STARD13: variants seen among roughly 807,000 people sequenced by gnomAD.
STARD13 encodes StAR related lipid transfer domain containing 13.
In STARD13, 62 loss-of-function variants were observed where a neutral mutation model predicts 106.4. That is an observed-to-expected ratio of 0.58 (90% CI 0.48 to 0.72). The LOEUF (loss-of-function observed/expected upper bound fraction) is 0.72, where lower values mean the gene tolerates loss of function less well. Ranked by LOEUF, STARD13 falls within the 30% of genes least tolerant of loss-of-function variation. STARD13 has a pLI of 0.00. For missense variants in STARD13, 1,387 were observed against 1,424.0 expected (o/e 0.97, Z 0.42); for synonymous variants, 565 against 553.0 (o/e 1.02, Z -0.31).
the STARD13 span, among the ~76,000 whole-genome samples, chr13:33,652,216 G>T: frequency 6.6e-6 from 1 of 152,158 alleles, no homozygotes; most frequent in Non-Finnish European, 1.5e-5. Flanking sequence ...GGGAATTTTT[G>T]GTTATGACAT....
the STARD13 span, among the ~76,000 whole-genome samples, chr13:33,386,515 C>T: frequency 6.6e-6 from 1 of 152,094 alleles, no homozygotes; most frequent in Non-Finnish European, 1.5e-5. Flanking sequence ...GTGTGGTGGC[C>T]TCCCCCATCC....
the STARD13 span, among the ~76,000 whole-genome samples, chr13:33,400,500 C>G: frequency 6.7e-6 from 1 of 150,224 alleles, no homozygotes; most frequent in South Asian, 2.1e-4. Context: ...CTTGCTCTGT[C>G]CTCCAGGCTG....
At chr13:33,135,240 A>G (rs1171619645) in intron 4 of STARD13, among the ~76,000 whole-genome samples, 1 of 152,234 alleles carries the variant, frequency 6.6e-6, no homozygotes, top group African/African-American at 2.4e-5. Context: ...CCAGTCCCCA[A>G]ACTTGCTCTT....
chr13:33,238,135 T>G (rs1334236701), intron 1 of STARD13, among the ~76,000 whole-genome samples: 1 of 152,190 alleles, frequency 6.6e-6, no homozygotes, highest in Non-Finnish European at 1.5e-5. Context: ...GCACTTACCT[T>G]TCTTTTACTT....
At chr13:33,396,707 G>C in the STARD13 span, among the ~76,000 whole-genome samples, 1 of 152,052 alleles carries the variant, frequency 6.6e-6, no homozygotes, top group African/African-American at 2.4e-5. Context: ...ACCATGTTGG[G>C]GTAGAATTGG....
upstream of STARD13, among the ~76,000 whole-genome samples, chr13:33,287,686 T>C (rs536697368): frequency 6.0e-4 from 92 of 152,278 alleles, no homozygotes; most frequent in South Asian, 2.5e-3. Context: ...CCGGTGGCCG[T>C]CCAATTAAGG....
At chr13:33,315,421 T>A (rs1376235900) in intron 1 of STARD13, among the ~76,000 whole-genome samples, 2 of 152,188 alleles carry the variant, frequency 1.3e-5, no homozygotes, top group African/African-American at 4.8e-5. Context: ...TATTTGCATA[T>A]ACCAGACCTT....
chr13:33,339,411 C>T (rs2077934595), intron 1 of STARD13, among the ~76,000 whole-genome samples: 1 of 152,224 alleles, frequency 6.6e-6, no homozygotes, highest in Admixed American at 6.5e-5. Context: ...ACAATCTATG[C>T]TTCTAGCACT....
the STARD13 span, among the ~76,000 whole-genome samples, chr13:33,622,650 G>C: frequency 1.4e-5 from 2 of 147,468 alleles, no homozygotes; most frequent in African/African-American, 5.0e-5. Flanking sequence ...GGCTGGGCGT[G>C]GTGGCTCAAG....
At chr13:33,498,658 A>T in the STARD13 span, among the ~76,000 whole-genome samples, 1 of 152,246 alleles carries the variant, frequency 6.6e-6, no homozygotes, top group East Asian at 1.9e-4. Context: ...TTCTTGTATT[A>T]AATAAAAAAT....
At chr13:33,404,671 G>A in the STARD13 span, among the ~76,000 whole-genome samples, 2 of 151,968 alleles carry the variant, frequency 1.3e-5, no homozygotes, top group East Asian at 1.9e-4. Context: ...AAATGACAAG[G>A]AACATGTTAA....
chr13:33,250,332 G>C (rs960028849), intron 1 of STARD13, among the ~76,000 whole-genome samples: 1 of 152,200 alleles, frequency 6.6e-6, no homozygotes, highest in Non-Finnish European at 1.5e-5. Flanking sequence ...CATTAGCGCA[G>C]AGGAATGAAT....
the STARD13 span, among the ~76,000 whole-genome samples, chr13:33,637,203 C>T: frequency 1.3e-5 from 2 of 152,222 alleles, no homozygotes; most frequent in Admixed American, 6.5e-5. Flanking sequence ...CAAGGTCTTA[C>T]GACTAGTAAG....
At chr13:33,238,171 T>C (rs1477193694) in intron 1 of STARD13, among the ~76,000 whole-genome samples, 1 of 152,190 alleles carries the variant, frequency 6.6e-6, no homozygotes, top group Non-Finnish European at 1.5e-5. Flanking sequence ...CAGCACCACA[T>C]AAAGCCCTGA....
chr13:33,106,473 T>C (rs1275574630), intron 13 of STARD13, among the ~76,000 whole-genome samples: 2 of 152,116 alleles, frequency 1.3e-5, no homozygotes, highest in African/African-American at 4.8e-5. Context: ...CTACTATGTG[T>C]CAGGCTCTGT....
At chr13:33,142,264 G>T in intron 4 of STARD13, 46 bp downstream of exon 4, 1 of 1,421,264 alleles carries the variant, frequency 7.0e-7, no homozygotes, top group Non-Finnish European at 9.9e-7. Context: ...CAAACTCCTG[G>T]CATTCACTGG....
the STARD13 span, among the ~76,000 whole-genome samples, chr13:33,363,935 A>G: frequency 6.6e-6 from 1 of 152,238 alleles, no homozygotes; most frequent in African/African-American, 2.4e-5. Flanking sequence ...AATATTTAGC[A>G]TTAATCCATT....
At chr13:33,483,915 T>C in the STARD13 span, among the ~76,000 whole-genome samples, 19 of 152,330 alleles carry the variant, frequency 1.2e-4, no homozygotes, top group East Asian at 3.7e-3. Context: ...TGATTTTCCC[T>C]AGAAAAACAA....
chr13:33,108,223 G>A (rs548586732), intron 12 of STARD13, among the ~76,000 whole-genome samples: 2 of 152,302 alleles, frequency 1.3e-5, no homozygotes, highest in South Asian at 4.1e-4. Context: ...TGCTAGCCTA[G>A]ACTGTAAGAT....
Sources: gnomAD v4.1 joint callset for allele counts (sites outside exome capture counted in the v4.1 genomes callset) on GRCh38, gnomAD v4.1.1 for gene constraint, MANE v1.5 for transcripts, NCBI Gene and HGNC (gene_info 2026-07-23, HGNC 2026-07-21) for gene names.